LRP1B: variants seen among roughly 807,000 people sequenced by gnomAD.
LRP1B encodes low-density lipoprotein receptor-related protein 1B.
A neutral mutation model predicts 556.6 loss-of-function variants in LRP1B; 217 were observed. The observed-to-expected ratio is 0.39, with a 90% CI of 0.35 to 0.44. LRP1B has a LOEUF of 0.44. Ranked by LOEUF, LRP1B falls within the 20% of genes least tolerant of loss-of-function variation. The probability of loss-of-function intolerance (pLI) is 1.00; values close to 1 mark genes in which losing one functional copy is unlikely to be tolerated. For missense variants in LRP1B, 5,053 were observed against 5,620.8 expected, an observed-to-expected ratio of 0.90 and a Z score of 3.23; for synonymous variants, 2,047 against 1,865.8, an observed-to-expected ratio of 1.10 and a Z score of -2.50.
intron 16 of LRP1B, among the ~76,000 whole-genome samples, chr2:140,991,558 G>C (rs888236381): frequency 2.6e-5 from 4 of 152,056 alleles, no homozygotes; most frequent in African/African-American, 9.7e-5. Context: ...CAGGCACTGT[G>C]CTAGACCGAG....
At chr2:140,993,297 T>C (rs1640310065) in intron 16 of LRP1B, among the ~76,000 whole-genome samples, 1 of 152,036 alleles carries the variant, frequency 6.6e-6, no homozygotes, top group Non-Finnish European at 1.5e-5. Context: ...TCTCTCAAAA[T>C]CACTTAGCCA....
rs576275858 is a variant in LRP1B at position 141,194,011 on chromosome 2, T to C, written c.851-5428A>G. Reference sequence around the variant, plus strand: ...TTTTCTCCAATAGAGATGCAAATGATTTCCATCAGGTAGAAAAGATAACTG... The same window carrying C: ...TTTTCTCCAATAGAGATGCAAATGACTTCCATCAGGTAGAAAAGATAACTG... On this transcript the variant is annotated intron_variant, in intron 6 of 90. Transcript: ENST00000389484. Among the ~76,000 whole-genome samples, 70 of 152,254 alleles carry C rather than the reference T, an allele frequency of 4.6e-4. 1 individual carries two copies. In the Middle Eastern group the frequency reaches 0.02, roughly 44 times the overall value.
rs1367688328 is a variant in LRP1B at position 140,323,896 on chromosome 2, C to A, written c.12511G>T (p.Asp4171Tyr). 1 of 1,427,006 alleles carries A rather than the reference C, an allele frequency of 7.0e-7. No individual in the cohort carries two copies. Among genetic ancestry groups the A allele is most frequent in the South Asian group, 1.2e-5 (1 of 85,072 alleles). The allele number at this position is 1,427,006 out of a possible 1,614,324, so 88.4% of individuals were successfully genotyped here. A position where few individuals can be genotyped will look rare whatever the true frequency, so the allele number is the denominator to read the frequency against. Reference sequence around the variant, plus strand: ...CTTCATAATATATTATACTTACAATCTAGTTGTTTATAACGATGAGATATC... The same window carrying A: ...CTTCATAATATATTATACTTACAATATAGTTGTTTATAACGATGAGATATC... The part of the protein sequence containing the change: ...VLISHRYKQL[D>Y]LPNPCLDLAC... Residue 4171 changes from aspartate (D) to tyrosine (Y), a missense_variant, in exon 81 of 91, where the codon GAT becomes TAT. Physicochemically the swap from Asp to Tyr is radical, Grantham distance 160 (BLOSUM62 -3). Around this residue, in one of 5 missense-constraint regions of LRP1B, gnomAD observed 551 missense variants for 592.0 expected, o/e 0.93. Coordinates refer to ENST00000389484, the MANE Select transcript of LRP1B (RefSeq NM_018557.3).
chr2:141,312,627 AT>A (rs1686855208), intron 3 of LRP1B, among the ~76,000 whole-genome samples: 1 of 152,154 alleles, frequency 6.6e-6, no homozygotes, highest in South Asian at 2.1e-4. Context: ...ACTAAGTTGC[AT>A]TAGTAAGTAT....
chr2:140,854,200 C>T (rs189739889), intron 27 of LRP1B, among the ~76,000 whole-genome samples: 2 of 151,878 alleles, frequency 1.3e-5, no homozygotes, highest in East Asian at 1.9e-4. Flanking sequence ...AAGCATAATC[C>T]ATAACAGTCT....
At chr2:140,555,324 C>A (rs990144364) in intron 43 of LRP1B, among the ~76,000 whole-genome samples, 7 of 151,708 alleles carry the variant, frequency 4.6e-5, no homozygotes, top group Admixed American at 4.6e-4. Context: ...AATGTGTTTG[C>A]ATGTATGAAT....
chr2:141,049,313 G>A, intron 10 of LRP1B, 91 bp from the exon 11 acceptor site: 2 of 824,428 alleles, frequency 2.4e-6, no homozygotes, highest in South Asian at 1.6e-5. Context: ...CACAATTAGC[G>A]TTTTTTAAAT....
intron 41 of LRP1B, among the ~76,000 whole-genome samples, chr2:140,604,447 T>C (rs1012240883): frequency 1.3e-5 from 2 of 152,036 alleles, no homozygotes; most frequent in African/African-American, 4.8e-5. Flanking sequence ...TTGATTCTAA[T>C]AGCTTGGCAG....
At chr2:141,519,066 A>G (rs1684431693) in intron 2 of LRP1B, among the ~76,000 whole-genome samples, 1 of 151,828 alleles carries the variant, frequency 6.6e-6, no homozygotes, top group Admixed American at 6.6e-5. Context: ...CCTGTCATGA[A>G]GTGATGGGCT....
intron 29 of LRP1B, among the ~76,000 whole-genome samples, chr2:140,845,048 G>A (rs1692233231): frequency 1.3e-5 from 2 of 151,822 alleles, no homozygotes; most frequent in Admixed American, 1.3e-4. Flanking sequence ...ATGAGTGAGA[G>A]AAAAAAGATA....
chr2:140,503,691 G>A (rs1198069853), intron 53 of LRP1B, among the ~76,000 whole-genome samples: 1 of 151,956 alleles, frequency 6.6e-6, no homozygotes, highest in African/African-American at 2.4e-5. Context: ...ACATCATTTG[G>A]TAAAAGTTCA....
intron 43 of LRP1B, among the ~76,000 whole-genome samples, chr2:140,587,463 A>C (rs1682032149): frequency 1.3e-5 from 2 of 152,202 alleles, no homozygotes; most frequent in Admixed American, 1.3e-4. Context: ...ATGCTAAATG[A>C]AATGAGCCAG....
chr2:140,325,888 C>G lies in LRP1B; in HGVS notation c.12224-10G>C. On this transcript the variant is annotated splice_polypyrimidine_tract_variant and intron_variant, in intron 79 of 90. Transcript: ENST00000389484. The stretch of plus-strand genomic sequence containing the variant: ...TAATCCACAGCCAAACCTGCAAAAT[C>G]AACACACACAAGACAAATAGTGCAA... 1 of 1,510,662 alleles carries G rather than the reference C, an allele frequency of 6.6e-7. No individual in the cohort carries two copies. The highest frequency in any genetic ancestry group is 9.2e-7 in the Non-Finnish European group (1 of 1,088,282). 93.6% of individuals were successfully genotyped at this position (1,510,662 alleles called of 1,614,324 possible).
intron 2 of LRP1B, among the ~76,000 whole-genome samples, chr2:141,807,923 T>A (rs1696216422): frequency 6.6e-6 from 1 of 151,858 alleles, no homozygotes; most frequent in African/African-American, 2.4e-5. Context: ...AGACATGGAG[T>A]GGACATAGGA....
intron 35 of LRP1B, among the ~76,000 whole-genome samples, chr2:140,763,743 A>G (rs1689007813): frequency 6.6e-6 from 1 of 152,128 alleles, no homozygotes; most frequent in African/African-American, 2.4e-5. Flanking sequence ...AAAATGCCTT[A>G]TGTTATGCAT....
At chr2:140,947,757 C>T (rs776399958) in intron 20 of LRP1B, among the ~76,000 whole-genome samples, 7 of 152,270 alleles carry the variant, frequency 4.6e-5, no homozygotes, top group Non-Finnish European at 7.4e-5. Context: ...GTATTCACCA[C>T]GTAGAATATT....
intron 2 of LRP1B, among the ~76,000 whole-genome samples, chr2:141,782,804 A>C (rs1326045569): frequency 6.6e-6 from 1 of 151,862 alleles, no homozygotes; most frequent in Non-Finnish European, 1.5e-5. Flanking sequence ...TTTTTCCCCC[A>C]CATTTCAATT....
chr2:141,810,135 A>AAGAG (rs1411347568), intron 2 of LRP1B, 144 bp downstream of exon 2: 1 of 465,620 alleles, frequency 2.1e-6, no homozygotes, highest in Non-Finnish European at 3.6e-6. Context: ...GAAAGAAAGA[A>AAGAG]AGAAAGAAAG....
In LRP1B at chr2:141,341,613, G is replaced by A. The variant is rs567226859; in HGVS notation, c.344-86972C>T. ...AACATTCTCTTTTCCTAGTTACATA[G>A]CAGCACTACAGTTTTTAGCTTTCCT... On this transcript the variant is annotated intron_variant, in intron 3 of 90. Transcript: ENST00000389484. Among the ~76,000 whole-genome samples the A allele has an allele frequency of 2.0e-5, 3 of 152,262 alleles. No homozygotes were observed. In the South Asian group the frequency reaches 6.2e-4, roughly 32 times the overall value.
Sources: gnomAD v4.1 joint callset for allele counts (sites outside exome capture counted in the v4.1 genomes callset) on GRCh38, gnomAD v4.1.1 for gene constraint, gnomAD v4.1.1 regional missense constraint, MANE v1.5 for transcripts, NCBI Gene and HGNC (gene_info 2026-07-23, HGNC 2026-07-21) for gene names.